The following STXBP5 variants were observed in gnomAD, a reference collection of about 807,000 sequenced individuals.
The protein encoded by STXBP5 is syntaxin binding protein 5.
In STXBP5, 50 loss-of-function variants were observed where a neutral mutation model predicts 152.4. The observed-to-expected ratio is 0.33, with a 90% CI of 0.26 to 0.42. The LOEUF is 0.42. Ranked by LOEUF, STXBP5 falls within the 10% of genes least tolerant of loss-of-function variation. The pLI, the probability that STXBP5 is intolerant of heterozygous loss-of-function variation, is 1.00. For missense variants in STXBP5, 1,167 were observed against 1,388.6 expected, an observed-to-expected ratio of 0.84 and a Z score of 2.54; for synonymous variants, 492 against 494.7, an observed-to-expected ratio of 0.99 and a Z score of 0.07.
intron 4 of STXBP5, among the ~76,000 whole-genome samples, chr6:147,253,528 G>A (rs1457089581): frequency 1.3e-5 from 2 of 152,066 alleles, no homozygotes; most frequent in Admixed American, 6.6e-5. Flanking sequence ...CTCTGTAGAC[G>A]ACATGATTCT....
At chr6:147,258,089 C>T (rs905559867) in intron 4 of STXBP5, among the ~76,000 whole-genome samples, 1 of 152,218 alleles carries the variant, frequency 6.6e-6, no homozygotes, top group Non-Finnish European at 1.5e-5. Flanking sequence ...CCAAGCCCCT[C>T]TTCCTTGCAA....
In STXBP5 at chr6:147,364,070, G is replaced by T. The variant is rs758040482; in HGVS notation, c.2985G>T (p.Thr995=). 1 of 1,613,942 alleles carries T rather than the reference G, an allele frequency of 6.2e-7. No homozygotes were observed. Among genetic ancestry groups the T allele is most frequent in the South Asian group, 1.1e-5 (1 of 91,080 alleles). The change falls in exon 25 of 28, where the codon ACG becomes ACT. Residue 995 remains threonine (T), a synonymous_variant. Transcript: ENST00000321680. ...LPLTNMRIAR[T]FCFTNNGQAL... is the part of the protein sequence containing the mutation. ...TTACCAATATGCGGATAGCCAGAAC[G>T]TTCTGCTTTACCAACAATGGACAAG...
chr6:147,315,567 A>G lies in STXBP5; in HGVS notation c.1455A>G (p.Ser485=), dbSNP rs145476753. ...KLKTSKVFEK[S]RNKDDRPNTD... ...AGACATCTAAAGTATTTGAAAAGTC[A>G]AGAAATAAAGATGACAGGCCAAACA... is the stretch of plus-strand genomic sequence containing the variant. The change falls in exon 15 of 28, where the codon TCA becomes TCG. Residue 485 remains serine (S), a synonymous_variant. Coordinates refer to ENST00000321680, the MANE Select transcript of STXBP5 (RefSeq NM_001127715.4). The G allele has an allele frequency of 3.1e-6, 5 of 1,613,690 alleles. No homozygotes were observed. The highest frequency in any genetic ancestry group is 4.2e-6 in the Non-Finnish European group (5 of 1,179,824).
At chr6:147,243,884 T>C (rs1434952078) in intron 4 of STXBP5, among the ~76,000 whole-genome samples, 5 of 152,126 alleles carry the variant, frequency 3.3e-5, no homozygotes, top group African/African-American at 9.6e-5. Context: ...TTGTATTTGC[T>C]CCTTTATCAG....
At chr6:147,207,432 G>A (rs1227361742) in intron 2 of STXBP5, among the ~76,000 whole-genome samples, 6 of 152,118 alleles carry the variant, frequency 3.9e-5, no homozygotes, top group Non-Finnish European at 8.8e-5. Flanking sequence ...TTTCTGAGAC[G>A]GTGTGTCTGA....
chr6:147,364,678 T>TAA (rs1260427122), intron 25 of STXBP5, among the ~76,000 whole-genome samples: 1 of 152,190 alleles, frequency 6.6e-6, no homozygotes, highest in Non-Finnish European at 1.5e-5. Flanking sequence ...AATGTGTCCT[T>TAA]TTTTAAGTAT....
intron 8 of STXBP5, among the ~76,000 whole-genome samples, chr6:147,283,598 G>A (rs558796372): frequency 6.6e-6 from 1 of 152,270 alleles, no homozygotes; most frequent in South Asian, 2.1e-4. Flanking sequence ...GAGTCACCAA[G>A]ATCTGGCTTC....
rs774275543 is a variant in STXBP5 at position 147,373,761 on chromosome 6, G to A, written c.3112G>A (p.Glu1038Lys). Residue 1038 changes from glutamate to lysine, a missense_variant, in exon 26 of 28, where the codon GAA becomes AAA. Physicochemically the swap from Glu to Lys is moderately conservative, Grantham distance 56. This residue lies in a region of STXBP5 where 833 missense variants were observed against 986.3 expected (regional missense o/e 0.84). Coordinates refer to ENST00000321680, the MANE Select transcript of STXBP5 (RefSeq NM_001127715.4). ...GTTGGGTGAACTCTTCACTCCTGTA[G>A]AAACACCTGAAGCACCAAACAGGGG... Reference protein sequence around the residue: ...EMLGELFTPVETPEAPNRGFF... With the variant: ...EMLGELFTPVKTPEAPNRGFF... 3.7e-6 allele frequency: 6 copies of A among 1,613,780 alleles called. No individual in the cohort carries two copies. In the South Asian group the frequency reaches 6.6e-5, roughly 18 times the overall value.
chr6:147,308,564 A>G (rs1782213454), intron 9 of STXBP5, among the ~76,000 whole-genome samples: 1 of 152,200 alleles, frequency 6.6e-6, no homozygotes, highest in South Asian at 2.1e-4. Context: ...CACTGCCCTC[A>G]TGAAGCATAC....
Position 147,239,222 on chromosome 6 carries a change from G to A in STXBP5, c.383G>A (p.Arg128His), listed in dbSNP as rs571215145. 9.3e-6 allele frequency: 15 copies of A among 1,613,702 alleles called. 1 individual carries two copies. In the South Asian group the frequency reaches 1.2e-4, roughly 13 times the overall value. Residue 128 changes from arginine to histidine, a missense_variant, in exon 4 of 28, where the codon CGT becomes CAT. Physicochemically the swap from Arg to His is conservative, Grantham distance 29. Around this residue, in one of 3 missense-constraint regions of STXBP5, gnomAD observed 310 missense variants for 346.1 expected, o/e 0.90. Transcript: ENST00000321680. ...GACACCTTACACTTATGGAATTTAC[G>A]TCAGAAGAGGCCTGCCATACTACAT... ...ADDTLHLWNL[R>H]QKRPAILHSL...
chr6:147,370,680 A>G (rs1358052420), intron 25 of STXBP5, among the ~76,000 whole-genome samples: 1 of 152,088 alleles, frequency 6.6e-6, no homozygotes, highest in Non-Finnish European at 1.5e-5. Flanking sequence ...ACAACTAAGT[A>G]AGTAACTCTG....
At chr6:147,321,922 C>T (rs1782955885) in intron 16 of STXBP5, among the ~76,000 whole-genome samples, 2 of 152,146 alleles carry the variant, frequency 1.3e-5, no homozygotes, top group Admixed American at 1.3e-4. Context: ...GTTTCTCATC[C>T]TTTACCATTT....
chr6:147,377,044 TAGAAG>T lies in STXBP5; in HGVS notation c.3193+3206_3193+3210del, dbSNP rs540514656. Among the ~76,000 whole-genome samples the T allele has an allele frequency of 7.4e-4, 113 of 152,276 alleles. 2 individuals are homozygous for T. The highest frequency in any genetic ancestry group is 2.7e-3 in the African/African-American group (111 of 41,578). ...TGAAAACAAATATTGACATAGCTAA[TAGAAG>T]AGACAGTTTCTCAATCATCATCATA... On this transcript the variant is annotated intron_variant, in intron 26 of 27. Transcript: ENST00000321680.
intron 2 of STXBP5, among the ~76,000 whole-genome samples, chr6:147,230,942 TG>T (rs1777971864): frequency 1.3e-5 from 2 of 149,042 alleles, no homozygotes; most frequent in African/African-American, 5.1e-5. Context: ...GTGATGATGC[TG>T]GTGATGATGA....
chr6:147,336,702 G>T (rs1037509964), intron 19 of STXBP5, among the ~76,000 whole-genome samples: 15 of 151,898 alleles, frequency 9.9e-5, no homozygotes, highest in Non-Finnish European at 1.2e-4. Flanking sequence ...AAAATAAGTT[G>T]GTATTTATGG....
chr6:147,230,166 T>C (rs1205018292), intron 2 of STXBP5, among the ~76,000 whole-genome samples: 1 of 151,982 alleles, frequency 6.6e-6, no homozygotes, highest in Non-Finnish European at 1.5e-5. Flanking sequence ...TCCCGTATAC[T>C]TTTTAAAGAT....
chr6:147,264,049 A>G (rs1779768420), intron 6 of STXBP5, among the ~76,000 whole-genome samples: 1 of 151,382 alleles, frequency 6.6e-6, no homozygotes, highest in African/African-American at 2.4e-5. Context: ...AATTCATTCC[A>G]TAAATAATGA....
At chr6:147,211,108 G>A (rs545057891) in intron 2 of STXBP5, among the ~76,000 whole-genome samples, 190 of 152,216 alleles carry the variant, frequency 1.2e-3, no homozygotes, top group African/African-American at 4.4e-3. Context: ...TCAGGAGTTT[G>A]AGAACAGCCT....
intron 19 of STXBP5, among the ~76,000 whole-genome samples, chr6:147,334,479 AC>A (rs1397298205): frequency 2.6e-5 from 4 of 152,016 alleles, no homozygotes; most frequent in Non-Finnish European, 5.9e-5. Flanking sequence ...TTATATTTAC[AC>A]CTTTTTTAGA....
Sources: gnomAD v4.1 joint callset for allele counts (sites outside exome capture counted in the v4.1 genomes callset) on GRCh38, gnomAD v4.1.1 for gene constraint, gnomAD v4.1.1 regional missense constraint, MANE v1.5 for transcripts, NCBI Gene and HGNC (gene_info 2026-07-23, HGNC 2026-07-21) for gene names.